SCN2A: variants seen among roughly 807,000 people sequenced by gnomAD.
SCN2A encodes the protein sodium channel protein type 2 subunit alpha.
Under a neutral mutation model 188.7 loss-of-function variants are expected in SCN2A, and 20 were observed. That is an observed-to-expected ratio of 0.11 (90% confidence interval 0.07 to 0.15). The LOEUF (loss-of-function observed/expected upper bound fraction) is 0.15. Ranked by LOEUF, SCN2A falls within the 10% of genes least tolerant of loss-of-function variation. The pLI, the probability that SCN2A is intolerant of heterozygous loss-of-function variation, is 1.00. For missense variants in SCN2A, 1,278 were observed against 2,445.0 expected (o/e 0.52, Z 10.07); for synonymous variants, 804 against 833.1 (o/e 0.97, Z 0.60).
chr2:165,371,090 C>T (rs1221871627), intron 20 of SCN2A: 1 of 152,118 alleles, frequency 6.6e-6, no homozygotes, highest in Admixed American at 6.6e-5. Flanking sequence ...TTTCTTTTCT[C>T]TATTTTCTGT....
chr2:165,323,702 C>CA (rs1277913710), intron 12 of SCN2A, among the ~76,000 whole-genome samples: 5 of 152,130 alleles, frequency 3.3e-5, no homozygotes, highest in Admixed American at 6.5e-5. Context: ...GGTTGGCTGT[C>CA]AGAGAATATA....
Position 165,344,468 on chromosome 2 carries a change from TA to T in SCN2A, c.2563-81del, listed in dbSNP as rs201046185. On this transcript the variant is annotated intron_variant, in intron 15 of 26. Transcript: ENST00000375437. ...TAATAATAATAAAATAAAATAAAAA[TA>T]AAAAATAAAAAAATAAAAATAAAAT... 2,146 of 841,324 alleles carry T rather than the reference TA, an allele frequency of 2.6e-3. 59 individuals carry two copies. In the East Asian group the frequency reaches 0.052, roughly 20 times the overall value. The allele number at this position is 841,324 out of a possible 1,614,324, so 52.1% of individuals were successfully genotyped here.
At chr2:165,329,112 A>G (rs1158002438) in intron 13 of SCN2A, among the ~76,000 whole-genome samples, 1 of 132,456 alleles carries the variant, frequency 7.5e-6, no homozygotes, top group Non-Finnish European at 1.6e-5. Context: ...TTTCCTTTTT[A>G]TGAACCAGGC....
At position 165,354,470 on chromosome 2, in the gene SCN2A, T is replaced by C; in HGVS notation, c.3198T>C (p.Asn1066=). ...HTTIEIGKDL[N]YLKDGNGTTS... is the part of the protein sequence containing the mutation. ...CCATAGAAATAGGCAAAGACCTCAA[T>C]TATCTCAAAGACGGAAATGGAACTA... The change falls in exon 17 of 27, where the codon AAT becomes AAC. Residue 1066 remains asparagine, a synonymous_variant. Coordinates refer to ENST00000375437, the MANE Select transcript of SCN2A (RefSeq NM_001040142.2). 1.9e-6 allele frequency: 3 copies of C among 1,614,068 alleles called. No homozygotes were observed. Among genetic ancestry groups the C allele is most frequent in the Non-Finnish European group, 2.5e-6 (3 of 1,179,990 alleles).
intron 16 of SCN2A, among the ~76,000 whole-genome samples, chr2:165,351,575 A>G (rs1440356857): frequency 3.8e-5 from 1 of 26,526 alleles, no homozygotes; most frequent in Non-Finnish European, 7.9e-5. Flanking sequence ...TAGACTTTCA[A>G]AAAAAAAAAA....
intron 1 of SCN2A, among the ~76,000 whole-genome samples, chr2:165,295,140 A>G (rs1272253722): frequency 6.6e-6 from 1 of 152,122 alleles, no homozygotes; most frequent in African/African-American, 2.4e-5. Context: ...GCAGCTTCCG[A>G]GCAGTTCCAA....
At chr2:165,329,538 C>T (rs754846365) in intron 13 of SCN2A, among the ~76,000 whole-genome samples, 10 of 152,142 alleles carry the variant, frequency 6.6e-5, no homozygotes, top group African/African-American at 1.7e-4. Context: ...AACTTTGCTC[C>T]GGTTATTCCT....
At chr2:165,268,694 C>A (rs1694979120) in intron 1 of SCN2A, 1 of 151,642 alleles carries the variant, frequency 6.6e-6, no homozygotes, top group Non-Finnish European at 1.5e-5. Flanking sequence ...AGCATTATTT[C>A]CAATAGACAG....
intron 26 of SCN2A, 91 bp downstream of exon 26, chr2:165,387,107 A>G: frequency 1.5e-6 from 2 of 1,299,764 alleles, no homozygotes; most frequent in Non-Finnish European, 2.2e-6. Context: ...AATCTTTCTC[A>G]TTCATCCCAA....
chr2:165,306,202 G>T (rs1219730175), intron 3 of SCN2A, among the ~76,000 whole-genome samples: 2 of 152,168 alleles, frequency 1.3e-5, no homozygotes, highest in Non-Finnish European at 2.9e-5. Flanking sequence ...CCGGAAGAAA[G>T]AAGAGGGTTG....
intron 8 of SCN2A, among the ~76,000 whole-genome samples, 169 bp downstream of exon 8, chr2:165,312,257 TCA>T (rs2105251953): frequency 6.6e-6 from 1 of 151,936 alleles, no homozygotes; most frequent in Admixed American, 6.6e-5. Context: ...CTCACCTCTT[TCA>T]CACAGTCATT....
Position 165,381,105 on chromosome 2 carries a change from G to T in SCN2A, c.4459G>T (p.Asp1487Tyr). Reference sequence around the variant, plus strand: ...TTCATTTCTTTACTTTGGAGGTCAAGACATTTTTATGACAGAAGAACAGAA... The same window carrying T: ...TTCATTTCTTTACTTTGGAGGTCAATACATTTTTATGACAGAAGAACAGAA... ...NQQKKKFGGQ[D>Y]IFMTEEQKKY... The change falls in exon 25 of 27, where the codon GAC becomes TAC. Residue 1487 changes from aspartate (D) to tyrosine (Y), a missense_variant. Asp to Tyr is a radical substitution (Grantham distance 160, BLOSUM62 -3). Coordinates refer to ENST00000375437, the MANE Select transcript of SCN2A (RefSeq NM_001040142.2). The T allele has an allele frequency of 6.3e-7, 1 of 1,585,198 alleles. No individual in the cohort carries two copies. Among genetic ancestry groups the T allele is most frequent in the Non-Finnish European group, 8.6e-7 (1 of 1,164,100 alleles).
At chr2:165,346,191 G>T (rs1574645726) in intron 16 of SCN2A, among the ~76,000 whole-genome samples, 1 of 151,864 alleles carries the variant, frequency 6.6e-6, no homozygotes, top group Non-Finnish European at 1.5e-5. Flanking sequence ...TGTGTCTTGG[G>T]GTTGCTTTTC....
chr2:165,347,585 G>A (rs747669799), intron 16 of SCN2A, among the ~76,000 whole-genome samples: 2 of 152,086 alleles, frequency 1.3e-5, no homozygotes, highest in African/African-American at 4.8e-5. Flanking sequence ...AAAACTTAGA[G>A]TATAATAATA....
intron 1 of SCN2A, chr2:165,266,921 A>G (rs1367753117): frequency 2.6e-5 from 4 of 152,126 alleles, no homozygotes; most frequent in South Asian, 2.1e-4. Context: ...ATTTTAAAGC[A>G]TCAAAAATAT....
intron 14 of SCN2A, among the ~76,000 whole-genome samples, chr2:165,334,030 T>C (rs1391987092): frequency 1.4e-5 from 2 of 148,130 alleles, no homozygotes; most frequent in African/African-American, 5.0e-5. Flanking sequence ...AATTGAAAAA[T>C]TCCTAGGGAG....
At chr2:165,299,869 T>C (rs894081752) in intron 3 of SCN2A, among the ~76,000 whole-genome samples, 2 of 152,226 alleles carry the variant, frequency 1.3e-5, no homozygotes, top group African/African-American at 4.8e-5. Context: ...CCATTCATGT[T>C]AAATAAGTTT....
At chr2:165,365,059 T>TGGG in intron 17 of SCN2A, 84 bp from the exon 18 acceptor site, 2 of 1,083,106 alleles carry the variant, frequency 1.8e-6, no homozygotes, top group Non-Finnish European at 1.3e-6. Flanking sequence ...ATACAGAAGA[T>TGGG]GGGGGGGGGG....
chr2:165,325,713 T>C (rs1258840078), intron 12 of SCN2A, among the ~76,000 whole-genome samples: 2 of 152,166 alleles, frequency 1.3e-5, no homozygotes, highest in Non-Finnish European at 2.9e-5. Flanking sequence ...TAAAAGACTT[T>C]TATTTTTAGA....
Sources: gnomAD v4.1 joint callset for allele counts (sites outside exome capture counted in the v4.1 genomes callset) on GRCh38, gnomAD v4.1.1 for gene constraint, MANE v1.5 for transcripts, NCBI Gene and HGNC (gene_info 2026-07-23, HGNC 2026-07-21) for gene names.